Variants in CCDC102A observed in about 807,000 individuals in gnomAD.
CCDC102A encodes the protein coiled-coil domain containing 102A, also known as coiled-coil domain-containing protein 102A.
In CCDC102A, 40 loss-of-function variants were observed where a neutral mutation model predicts 55.5. The ratio of observed to expected loss-of-function variants is 0.72; its 90% CI spans 0.56 to 0.94. CCDC102A has a LOEUF of 0.94. Among genes scored for constraint, CCDC102A ranks in the 40% least tolerant of loss-of-function variants. CCDC102A has a pLI of 0.00. For missense variants in CCDC102A, 779 were observed against 768.6 expected (o/e 1.01, Z -0.16); for synonymous variants, 323 against 339.0 (o/e 0.95, Z 0.52).
At chr16:57,519,725 A>C (rs572851536) in intron 4 of CCDC102A, among the ~76,000 whole-genome samples, 1 of 152,350 alleles carries the variant, frequency 6.6e-6, no homozygotes, top group East Asian at 1.9e-4. Context: ...GAAAAGACTA[A>C]AAGAACAGGG....
At chr16:57,518,335 G>A (rs2031993311) in intron 5 of CCDC102A, 58 bp from the exon 6 acceptor site, 8 of 1,507,308 alleles carry the variant, frequency 5.3e-6, no homozygotes, top group Non-Finnish European at 7.2e-6. Flanking sequence ...CAGGGCCTGA[G>A]CTGGATGCCC....
rs756534460 is a variant in CCDC102A at position 57,518,060 on chromosome 16, T to A, written c.1248+8A>T. 1 of 1,588,932 alleles carries A rather than the reference T, an allele frequency of 6.3e-7. No homozygotes were observed. The highest frequency in any genetic ancestry group is 1.7e-5 in the Admixed American group (1 of 59,250). ...CCCCAGCACTGGCCACTCCACTCCT[T>A]GCCCCACCTTGTTCTTCTCGAAGAG... On this transcript the variant is annotated splice_region_variant and intron_variant, in intron 6 of 8. Coordinates refer to ENST00000258214, the MANE Select transcript of CCDC102A (RefSeq NM_033212.4).
intron 2 of CCDC102A, among the ~76,000 whole-genome samples, 167 bp downstream of exon 2, chr16:57,528,426 T>C (rs1450165919): frequency 6.6e-6 from 1 of 152,146 alleles, no homozygotes; most frequent in African/African-American, 2.4e-5. Flanking sequence ...CTGAGGTCTC[T>C]GGAAGGAAAA....
chr16:57,513,441 G>A (rs1220073475), intron 8 of CCDC102A, among the ~76,000 whole-genome samples: 1 of 152,190 alleles, frequency 6.6e-6, no homozygotes, highest in Non-Finnish European at 1.5e-5. Context: ...GCATCTTACT[G>A]GAAGACATGA....
intron 4 of CCDC102A, among the ~76,000 whole-genome samples, chr16:57,520,115 C>T (rs964429255): frequency 1.3e-4 from 20 of 152,324 alleles, no homozygotes; most frequent in Non-Finnish European, 2.8e-4. Flanking sequence ...ACACCTAGTA[C>T]AGATAGGAAC....
intron 4 of CCDC102A, among the ~76,000 whole-genome samples, chr16:57,520,655 A>C (rs1015134474): frequency 2.0e-5 from 3 of 151,546 alleles, no homozygotes; most frequent in Non-Finnish European, 4.4e-5. Context: ...TTAAAATAAA[A>C]TAAAGCCAGG....
chr16:57,528,581 C>T lies in CCDC102A; in HGVS notation c.585+12G>A. 3.2e-6 allele frequency: 4 copies of T among 1,234,546 alleles called. No homozygotes were observed. The highest frequency in any genetic ancestry group is 4.1e-6 in the Non-Finnish European group (4 of 981,454). 76.5% of individuals were successfully genotyped at this position (1,234,546 alleles called of 1,614,324 possible). On this transcript the variant is annotated intron_variant, in intron 2 of 8. Coordinates refer to ENST00000258214, the MANE Select transcript of CCDC102A (RefSeq NM_033212.4). ...GAGACTGGAGCGCGAACGCCCCGCC[C>T]GCGCCGCGCACCTGGCTGCCTGGCG...
chr16:57,518,052 C>A lies in CCDC102A; in HGVS notation c.1248+16G>T, dbSNP rs568956464. ...GGTGGCAGCCCCAGCACTGGCCACTCCACTCCTTGCCCCACCTTGTTCTTC... is the reference window on the plus strand; with the variant it reads ...GGTGGCAGCCCCAGCACTGGCCACTACACTCCTTGCCCCACCTTGTTCTTC... On this transcript the variant is annotated intron_variant, in intron 6 of 8. Coordinates refer to ENST00000258214, the MANE Select transcript of CCDC102A (RefSeq NM_033212.4). 729 of 1,583,990 alleles carry A rather than the reference C, an allele frequency of 4.6e-4. 10 individuals carry two copies. The South Asian group carries it at 7.7e-3, about 17-fold the overall frequency.
At chr16:57,521,621 A>G (rs2032053555) in intron 3 of CCDC102A, among the ~76,000 whole-genome samples, 1 of 152,188 alleles carries the variant, frequency 6.6e-6, no homozygotes, top group African/African-American at 2.4e-5. Flanking sequence ...GTCTGAACAC[A>G]TGGTTCTGCA....
chr16:57,513,912 A>G (rs2031909946), intron 8 of CCDC102A, among the ~76,000 whole-genome samples: 1 of 152,230 alleles, frequency 6.6e-6, no homozygotes, highest in Admixed American at 6.5e-5. Context: ...AGCAGCATAT[A>G]GTAAATGCTC....
At chr16:57,517,497 C>T (rs917261912) in intron 6 of CCDC102A, among the ~76,000 whole-genome samples, 18 of 152,154 alleles carry the variant, frequency 1.2e-4, no homozygotes, top group African/African-American at 4.1e-4. Flanking sequence ...CAGGTGCCCA[C>T]AATGCTCGGC....
chr16:57,531,196 C>A (rs950060615), intron 1 of CCDC102A, among the ~76,000 whole-genome samples: 1 of 152,044 alleles, frequency 6.6e-6, no homozygotes, highest in African/African-American at 2.4e-5. Flanking sequence ...GATTCAGGCT[C>A]ATCTTGGTTA....
At chr16:57,522,325 A>T (rs2032065926) in intron 3 of CCDC102A, among the ~76,000 whole-genome samples, 1 of 152,114 alleles carries the variant, frequency 6.6e-6, no homozygotes, top group African/African-American at 2.4e-5. Flanking sequence ...TCCCTACCCA[A>T]GTGCAAGTGC....
intron 3 of CCDC102A, among the ~76,000 whole-genome samples, chr16:57,522,276 G>A (rs778175369): frequency 1.3e-5 from 2 of 152,154 alleles, no homozygotes; most frequent in African/African-American, 2.4e-5. Flanking sequence ...TGTTGCTCAG[G>A]CTGGAGTGCA....
chr16:57,518,583 C>A (rs1186636660), intron 5 of CCDC102A, 42 bp downstream of exon 5: 1 of 1,487,608 alleles, frequency 6.7e-7, no homozygotes, highest in Admixed American at 1.7e-5. Flanking sequence ...GGCCCCAGGA[C>A]CCCTAAACCC....
rs1158402479 is a variant in CCDC102A, at chr16:57,523,958, T to G, written c.812+1943A>C. Among the ~76,000 whole-genome samples the G allele has an allele frequency of 2.6e-5, 4 of 152,224 alleles. No individual in the cohort carries two copies. The East Asian group carries it at 7.7e-4, about 29-fold the overall frequency. On this transcript the variant is annotated intron_variant, in intron 3 of 8. Transcript: ENST00000258214. ...GGAAGGTGATGCTGAGCTCAGCCAT[T>G]GGTGAGCACCTACTCTGCCAGGGCC...
At chr16:57,524,177 C>T (rs529695778) in intron 3 of CCDC102A, among the ~76,000 whole-genome samples, 1 of 152,082 alleles carries the variant, frequency 6.6e-6, no homozygotes, top group Non-Finnish European at 1.5e-5. Context: ...ACATAGTCTA[C>T]AAAACAGACA....
Position 57,512,599 on chromosome 16 carries a change from G to T in CCDC102A, c.*142C>A. Reference sequence around the variant, plus strand: ...GGCGTTGGTAGGTGGGACTGTTGACGCCATCCCTGGGAGAGAAGAAAGTCG... The same window carrying T: ...GGCGTTGGTAGGTGGGACTGTTGACTCCATCCCTGGGAGAGAAGAAAGTCG... On this transcript the variant is annotated 3_prime_UTR_variant, in exon 9 of 9. Transcript: ENST00000258214. 9.7e-7 allele frequency: 1 copy of T among 1,027,302 alleles called. No homozygotes were observed. The highest frequency in any genetic ancestry group is 1.4e-6 in the Non-Finnish European group (1 of 709,618). The allele number at this position is 1,027,302 out of a possible 1,614,324, so 63.6% of individuals were successfully genotyped here.
In CCDC102A at chr16:57,512,782, C is replaced by A. The variant is rs761543502; in HGVS notation, c.1612G>T (p.Asp538Tyr). Reference protein sequence around the residue: ...GTEEAEDGTSDLDEDEDLQIQ... With the variant: ...GTEEAEDGTSYLDEDEDLQIQ... ...TGCAGGTCCTCGTCCTCGTCCAGGT[C>A]ACTGGTTCCATCCTCGGCCTCCTCG... Residue 538 changes from aspartate to tyrosine, a missense_variant, in exon 9 of 9, where the codon GAC becomes TAC. By Grantham distance (160) the Asp-to-Tyr change is radical. Coordinates refer to ENST00000258214, the MANE Select transcript of CCDC102A (RefSeq NM_033212.4). 1.4e-5 allele frequency: 22 copies of A among 1,614,172 alleles called. No individual in the cohort carries two copies. In the South Asian group the frequency reaches 2.4e-4, roughly 18 times the overall value.
Sources: allele counts gnomAD v4.1 joint callset (sites outside exome capture counted in the v4.1 genomes callset), GRCh38; gene constraint gnomAD v4.1.1; transcripts MANE v1.5; gene names NCBI Gene and HGNC (gene_info 2026-07-23, HGNC 2026-07-21).